Variants in NLRP2 observed in about 807,000 individuals in gnomAD.
The protein encoded by NLRP2 is NACHT, LRR and PYD domains-containing protein 2.
A neutral mutation model predicts 97.2 loss-of-function variants in NLRP2; 107 were observed. That is an observed-to-expected ratio of 1.10 (90% CI 0.94 to 1.29). NLRP2 has a LOEUF of 1.29. Among genes scored for constraint, NLRP2 ranks in the 50% most tolerant of loss-of-function variants. The probability of loss-of-function intolerance (pLI) is 0.00; values close to 1 mark genes in which losing one functional copy is unlikely to be tolerated. For missense variants in NLRP2, 1,495 were observed against 1,330.3 expected (o/e 1.12, Z -1.93); for synonymous variants, 663 against 551.5 (o/e 1.20, Z -2.83).
At chr19:54,973,609 G>A (rs2071013582) in intron 2 of NLRP2, among the ~76,000 whole-genome samples, 1 of 151,958 alleles carries the variant, frequency 6.6e-6, no homozygotes, top group African/African-American at 2.4e-5. Context: ...CCCGACCTCA[G>A]GTGATCTGCC....
Position 54,996,037 on chromosome 19 carries a change from C to CAAAAAAAAAAAA in NLRP2, c.2880-1275_2880-1264dup, listed in dbSNP as rs544759995. On this transcript the variant is annotated intron_variant, in intron 11 of 12. Transcript: ENST00000448584. The stretch of plus-strand genomic sequence containing the variant: ...CCTGGGTGACAGTGAGATCCTGTCT[C>CAAAAAAAAAAAA]AAAAAAAAAAAAAAAACAAAAAAAA... 1.1e-3 allele frequency among the ~76,000 whole-genome samples: 82 copies of CAAAAAAAAAAAA among 73,332 alleles called. 4 individuals carry two copies. Among genetic ancestry groups the CAAAAAAAAAAAA allele is most frequent in the African/African-American group, 4.2e-3 (76 of 18,058 alleles). 48.1% of individuals were successfully genotyped at this position (73,332 alleles called of 152,430 possible). A position where few individuals can be genotyped will look rare whatever the true frequency, so the allele number is the denominator to read the frequency against.
intron 3 of NLRP2, chr19:54,976,862 T>C (rs1278856987): frequency 2.1e-5 from 9 of 419,336 alleles, no homozygotes; most frequent in East Asian, 7.8e-5. Context: ...TTTGCCAGGC[T>C]GAAGTGCAGT....
chr19:54,997,608 A>G, intron 12 of NLRP2, 121 bp downstream of exon 12: 1 of 1,013,442 alleles, frequency 9.9e-7, no homozygotes, highest in Non-Finnish European at 1.5e-6. Context: ...TCCCGCCATC[A>G]CACCCAGCCA....
intron 8 of NLRP2, among the ~76,000 whole-genome samples, chr19:54,987,338 G>A (rs548022874): frequency 1.9e-4 from 29 of 152,126 alleles, no homozygotes; most frequent in Non-Finnish European, 3.1e-4. Flanking sequence ...TAGTCCTCTG[G>A]TTTGAGAGCT....
At chr19:54,970,847 T>G (rs907637178) in intron 2 of NLRP2, among the ~76,000 whole-genome samples, 1 of 147,884 alleles carries the variant, frequency 6.8e-6, no homozygotes, top group Non-Finnish European at 1.5e-5. Context: ...ATACTTTAAG[T>G]TTTAGGGTAC....
intron 1 of NLRP2, among the ~76,000 whole-genome samples, chr19:54,966,724 T>G (rs1019508217): frequency 2.0e-5 from 3 of 151,990 alleles, no homozygotes; most frequent in African/African-American, 7.3e-5. Context: ...TTTTTTGTAT[T>G]TTTAGTAGAG....
At chr19:54,992,556 CT>C (rs71181721) in intron 10 of NLRP2, among the ~76,000 whole-genome samples, 15,642 of 82,692 alleles carry the variant, frequency 0.19, 1,100 homozygotes, top group Non-Finnish European at 0.24. Context: ...GGGGGGTTTT[CT>C]TTTTTTTTTT....
At chr19:54,969,447 C>T (rs1188088913) in intron 1 of NLRP2, among the ~76,000 whole-genome samples, 1 of 144,566 alleles carries the variant, frequency 6.9e-6, no homozygotes, top group Non-Finnish European at 1.5e-5. Context: ...CACTGCACTC[C>T]AGCCAGGGTG....
intron 10 of NLRP2, among the ~76,000 whole-genome samples, chr19:54,992,812 G>C (rs956235488): frequency 6.6e-6 from 1 of 151,958 alleles, no homozygotes; most frequent in African/African-American, 2.4e-5. Flanking sequence ...ACCCACCTCA[G>C]CCTCCCAAAG....
intron 2 of NLRP2, among the ~76,000 whole-genome samples, chr19:54,972,744 C>T (rs2070946837): frequency 6.6e-6 from 1 of 152,088 alleles, no homozygotes; most frequent in Non-Finnish European, 1.5e-5. Context: ...GAAACATGAG[C>T]CACAGTGCCT....
chr19:54,976,043 C>G (rs993529524), intron 3 of NLRP2, among the ~76,000 whole-genome samples: 1 of 145,438 alleles, frequency 6.9e-6, no homozygotes, highest in African/African-American at 2.5e-5. Context: ...TTCACCACAC[C>G]TGGCCATGAA....
In NLRP2 at chr19:54,986,134, C is replaced by G. The variant is rs781576214; in HGVS notation, c.2202-17C>G. Reference sequence around the variant, plus strand: ...GTGTACACACTAAAGATTTCACTTTCGTTCTCTTTTCCCTAGGTTCAAAAA... The same window carrying G: ...GTGTACACACTAAAGATTTCACTTTGGTTCTCTTTTCCCTAGGTTCAAAAA... On this transcript the variant is annotated splice_polypyrimidine_tract_variant and intron_variant, in intron 7 of 12. Transcript: ENST00000448584. 3.1e-6 allele frequency: 5 copies of G among 1,592,868 alleles called. No homozygotes were observed. The highest frequency in any genetic ancestry group is 4.3e-6 in the Non-Finnish European group (5 of 1,160,870).
At chr19:54,988,854 G>A (rs905712796) in intron 8 of NLRP2, among the ~76,000 whole-genome samples, 9 of 151,836 alleles carry the variant, frequency 5.9e-5, no homozygotes, top group Non-Finnish European at 1.0e-4. Flanking sequence ...CACATTTTCC[G>A]GATGAACAGG....
chr19:54,972,118 A>G lies in NLRP2; in HGVS notation c.280+1823A>G, dbSNP rs534895552. Among the ~76,000 whole-genome samples the G allele has an allele frequency of 7.9e-5, 12 of 151,028 alleles. No individual in the cohort carries two copies. In the South Asian group the frequency reaches 1.9e-3, roughly 24 times the overall value. On this transcript the variant is annotated intron_variant, in intron 2 of 12. Transcript: ENST00000448584. The stretch of plus-strand genomic sequence containing the variant: ...CGGCCTCCCAAAGTGTTGGGATTAC[A>G]GGCGTGAGCCACCGCACCCAGCCAG...
At chr19:54,986,916 G>A (rs536979060) in intron 8 of NLRP2, among the ~76,000 whole-genome samples, 2 of 151,320 alleles carry the variant, frequency 1.3e-5, no homozygotes, top group East Asian at 1.9e-4. Flanking sequence ...ATGGAGTCTC[G>A]CTCTGTCACC....
chr19:54,991,751 C>G (rs1426203085), intron 10 of NLRP2, among the ~76,000 whole-genome samples: 1 of 150,718 alleles, frequency 6.6e-6, no homozygotes, highest in African/African-American at 2.4e-5. Flanking sequence ...GTCCTGTAAT[C>G]CCAGCTACTT....
At chr19:54,981,509 G>GGCCCCCCCCCCCCCCCC in intron 4 of NLRP2, 108 bp from the exon 5 acceptor site, 12 of 386,502 alleles carry the variant, frequency 3.1e-5, no homozygotes, top group Non-Finnish European at 5.8e-5. Flanking sequence ...CTGATCCCGT[G>GGCCCCCCCCCCCCCCCC]CCCCCCCTCC....
At position 54,985,610 on chromosome 19, in the gene NLRP2, G is replaced by A. The variant is rs936480230; in HGVS notation, c.2201+393G>A. 4.0e-5 allele frequency among the ~76,000 whole-genome samples: 6 copies of A among 149,984 alleles called. No homozygotes were observed. In the East Asian group the frequency reaches 8.0e-4, roughly 20 times the overall value. ...GGAGAATTACTTGAACCCAGGAGGC[G>A]GAGGTTGCAGTGAACCAAGATCCTG... On this transcript the variant is annotated intron_variant, in intron 7 of 12. Transcript: ENST00000448584.
intron 11 of NLRP2, among the ~76,000 whole-genome samples, chr19:54,996,036 T>TAAAAA (rs2072789729): frequency 1.6e-5 from 1 of 63,728 alleles, no homozygotes. Context: ...AGATCCTGTC[T>TAAAAA]CAAAAAAAAA....
Sources: allele counts gnomAD v4.1 joint callset (sites outside exome capture counted in the v4.1 genomes callset), GRCh38; gene constraint gnomAD v4.1.1; transcripts MANE v1.5; gene names NCBI Gene and HGNC (gene_info 2026-07-23, HGNC 2026-07-21).